ERGIC1: variants seen among roughly 807,000 people sequenced by gnomAD.
ERGIC1 encodes endoplasmic reticulum-Golgi intermediate compartment protein 1.
Under a neutral mutation model 38.3 loss-of-function variants are expected in ERGIC1, and 19 were observed. The ratio of observed to expected loss-of-function variants is 0.50; its 90% confidence interval spans 0.35 to 0.73. ERGIC1 has a LOEUF of 0.73. ERGIC1 is among the 30% of genes least tolerant of loss of function. ERGIC1 has a pLI of 0.01. For missense variants in ERGIC1, 294 were observed against 389.2 expected, an observed-to-expected ratio of 0.76 and a Z score of 2.06; for synonymous variants, 124 against 157.6, an observed-to-expected ratio of 0.79 and a Z score of 1.60.
Position 172,935,242 on chromosome 5 carries a change from T to C in ERGIC1, c.697T>C (p.Tyr233His). ...CATCATCCCTGCAATCTGGTTCCGC[T>C]ACGACCTCAGCCCCATCACGGTCAA... is the stretch of plus-strand genomic sequence containing the variant. ...GRIIPAIWFR[Y>H]DLSPITVKYT... Residue 233 changes from tyrosine to histidine, a missense_variant, in exon 9 of 10, where the codon TAC becomes CAC. By Grantham distance (83) the Tyr-to-His change is moderately conservative. Transcript: ENST00000393784. 6.2e-7 allele frequency: 1 copy of C among 1,614,174 alleles called. No homozygotes were observed. Among genetic ancestry groups the C allele is most frequent in the South Asian group, 1.1e-5 (1 of 91,082 alleles).
At chr5:172,841,319 T>C (rs1452535044) in intron 1 of ERGIC1, among the ~76,000 whole-genome samples, 1 of 152,198 alleles carries the variant, frequency 6.6e-6, no homozygotes, top group Non-Finnish European at 1.5e-5. Flanking sequence ...TGGGGTCCTT[T>C]ACAGATACCT....
At chr5:172,873,089 C>A (rs1330473010) in intron 1 of ERGIC1, among the ~76,000 whole-genome samples, 1 of 152,268 alleles carries the variant, frequency 6.6e-6, no homozygotes, top group African/African-American at 2.4e-5. Context: ...CGGAATAGCT[C>A]CTGCCGCTCA....
At chr5:172,866,565 G>C (rs984256726) in intron 1 of ERGIC1, among the ~76,000 whole-genome samples, 1 of 152,242 alleles carries the variant, frequency 6.6e-6, no homozygotes, top group African/African-American at 2.4e-5. Context: ...GCCAGGCGCT[G>C]TGCTAAGCCT....
chr5:172,939,062 CA>C (rs202216034), intron 9 of ERGIC1, among the ~76,000 whole-genome samples: 3,865 of 141,194 alleles, frequency 0.027, 131 homozygotes, highest in East Asian at 0.12. Flanking sequence ...GACTCCATCT[CA>C]AAAAAAAAAA....
chr5:172,887,960 G>T (rs1762463408), intron 1 of ERGIC1, among the ~76,000 whole-genome samples: 1 of 152,220 alleles, frequency 6.6e-6, no homozygotes. Flanking sequence ...CAAGAATGCA[G>T]CATCGTCACA....
At chr5:172,877,497 T>C (rs532512622) in intron 1 of ERGIC1, among the ~76,000 whole-genome samples, 49 of 147,188 alleles carry the variant, frequency 3.3e-4, no homozygotes, top group African/African-American at 1.2e-3. Context: ...TTTGCTCTTG[T>C]TGCCCAGGCT....
intron 2 of ERGIC1, among the ~76,000 whole-genome samples, chr5:172,891,291 A>G (rs2113276097): frequency 6.6e-6 from 1 of 152,244 alleles, no homozygotes; most frequent in East Asian, 1.9e-4. Flanking sequence ...ACCTGATCCA[A>G]AAAAATCAAA....
intron 9 of ERGIC1, among the ~76,000 whole-genome samples, chr5:172,942,653 C>T (rs985985918): frequency 6.6e-5 from 10 of 152,178 alleles, no homozygotes; most frequent in African/African-American, 1.2e-4. Flanking sequence ...CAGATCCTTC[C>T]GTGGTATTCC....
intron 1 of ERGIC1, among the ~76,000 whole-genome samples, chr5:172,849,038 C>G (rs984775381): frequency 6.6e-6 from 1 of 152,166 alleles, no homozygotes; most frequent in Middle Eastern, 3.2e-3. Flanking sequence ...GAGAAGACAC[C>G]TGACATTCCA....
At chr5:172,920,863 C>T (rs1189623827) in intron 5 of ERGIC1, among the ~76,000 whole-genome samples, 2 of 152,332 alleles carry the variant, frequency 1.3e-5, no homozygotes, top group East Asian at 3.9e-4. Flanking sequence ...TTTCTTACTC[C>T]CAGGGGTGGT....
chr5:172,897,428 CAAAAAAA>C (rs71310033), intron 3 of ERGIC1, among the ~76,000 whole-genome samples: 1 of 109,962 alleles, frequency 9.1e-6, no homozygotes, highest in Non-Finnish European at 1.9e-5. Context: ...GACCCTGTTT[CAAAAAAA>C]AAAAAAAAAG....
At chr5:172,915,656 T>A in intron 5 of ERGIC1, 1 of 470,968 alleles carries the variant, frequency 2.1e-6, no homozygotes, top group Non-Finnish European at 4.4e-6. Flanking sequence ...CAGTGGAGCC[T>A]CTCAACAACG....
chr5:172,849,755 G>A (rs1162728604), intron 1 of ERGIC1, among the ~76,000 whole-genome samples: 1 of 152,202 alleles, frequency 6.6e-6, no homozygotes, highest in East Asian at 1.9e-4. Flanking sequence ...CTGTCCTGGT[G>A]CATAGCACAA....
At chr5:172,850,585 G>A (rs1302738726) in intron 1 of ERGIC1, among the ~76,000 whole-genome samples, 4 of 152,076 alleles carry the variant, frequency 2.6e-5, no homozygotes, top group Non-Finnish European at 5.9e-5. Flanking sequence ...CCACCCACTC[G>A]CTGTGTGTCC....
chr5:172,875,705 C>G (rs898046782), intron 1 of ERGIC1, among the ~76,000 whole-genome samples: 2 of 152,090 alleles, frequency 1.3e-5, no homozygotes, highest in Non-Finnish European at 2.9e-5. Context: ...GTGATCCTCC[C>G]ACCTCAGCCT....
At chr5:172,908,061 GAAT>G (rs910629204) in intron 3 of ERGIC1, among the ~76,000 whole-genome samples, 1 of 151,750 alleles carries the variant, frequency 6.6e-6, no homozygotes, top group African/African-American at 2.4e-5. Context: ...GCGGTCGACA[GAAT>G]AATGACCCCC....
chr5:172,910,115 G>A (rs927539090), intron 4 of ERGIC1, among the ~76,000 whole-genome samples: 1 of 152,150 alleles, frequency 6.6e-6, no homozygotes, highest in African/African-American at 2.4e-5. Flanking sequence ...AGTACGACAG[G>A]ATAAGCAAAG....
At chr5:172,900,696 C>T (rs140951452) in intron 3 of ERGIC1, among the ~76,000 whole-genome samples, 275 of 148,022 alleles carry the variant, frequency 1.9e-3, no homozygotes, top group African/African-American at 6.4e-3. Flanking sequence ...GGAGACAGAG[C>T]GAGACCCTAT....
intron 9 of ERGIC1, among the ~76,000 whole-genome samples, chr5:172,940,728 GC>G (rs1763993266): frequency 6.6e-6 from 1 of 152,174 alleles, no homozygotes; most frequent in Non-Finnish European, 1.5e-5. Flanking sequence ...GGTGCTCAGG[GC>G]CCTTGGCCAG....
Sources: gnomAD v4.1 joint callset for allele counts (sites outside exome capture counted in the v4.1 genomes callset) on GRCh38, gnomAD v4.1.1 for gene constraint, MANE v1.5 for transcripts, NCBI Gene and HGNC (gene_info 2026-07-23, HGNC 2026-07-21) for gene names.